Variants in ZNF644 observed in about 807,000 individuals in gnomAD.
ZNF644 encodes zinc finger motif enhancer binding protein 2.
ZNF644 carries 20 observed loss-of-function variants against 108.0 expected under a neutral mutation model. The observed-to-expected ratio is 0.19, with a 90% CI of 0.13 to 0.27. ZNF644 has a LOEUF of 0.27. Among genes scored for constraint, ZNF644 ranks in the 10% least tolerant of loss-of-function variants. The pLI is 1.00. For synonymous variants in ZNF644, 542 were observed against 539.1 expected, an observed-to-expected ratio of 1.01 and a Z score of -0.08; for missense variants, 1,338 against 1,548.9, an observed-to-expected ratio of 0.86 and a Z score of 2.29.
chr1:90,918,638 G>C (rs1172958209), intron 4 of ZNF644, among the ~76,000 whole-genome samples: 1 of 151,980 alleles, frequency 6.6e-6, no homozygotes, highest in Non-Finnish European at 1.5e-5. Flanking sequence ...GGAAAACTTC[G>C]TAAGGGAATA....
At chr1:90,988,240 C>T (rs776680515) in intron 1 of ZNF644, among the ~76,000 whole-genome samples, 1 of 152,070 alleles carries the variant, frequency 6.6e-6, no homozygotes, top group Non-Finnish European at 1.5e-5. Context: ...AACATGCAAA[C>T]ATCAATTGTA....
In ZNF644 at chr1:90,999,310, C is replaced by A. The variant is rs573112280; in HGVS notation, c.-17-16940G>T. 4.6e-5 allele frequency among the ~76,000 whole-genome samples: 7 copies of A among 152,266 alleles called. No individual in the cohort carries two copies. The South Asian group carries it at 6.2e-4, about 14-fold the overall frequency. ...CCAGACAGAAAGGTCAGGTTACCCA[C>A]AAAGGAAAGCCCAACAGACTAACAG... On this transcript the variant is annotated intron_variant, in intron 1 of 5. Coordinates refer to ENST00000337393, the MANE Select transcript of ZNF644 (RefSeq NM_201269.3).
At chr1:90,995,727 T>C (rs1373437064) in intron 1 of ZNF644, among the ~76,000 whole-genome samples, 2 of 152,226 alleles carry the variant, frequency 1.3e-5, no homozygotes, top group African/African-American at 4.8e-5. Flanking sequence ...ACATCTTCTA[T>C]ATCCAATGAT....
In ZNF644 at chr1:90,940,838, G is replaced by A; in HGVS notation, c.516C>T (p.His172=). 6.2e-7 allele frequency: 1 copy of A among 1,613,950 alleles called. No homozygotes were observed. The highest frequency in any genetic ancestry group is 2.2e-5 in the East Asian group (1 of 44,870). ...QLSTPQKASQ[H]QVLFLLSDVA... ...CATCTGATAACAAAAATAAAACTTG[G>A]TGTTGACTTGCTTTCTGTGGTGTAG... The change falls in exon 3 of 6, where the codon CAC becomes CAT. Residue 172 remains histidine (H), a synonymous_variant. Transcript: ENST00000337393.
chr1:90,968,433 G>A (rs552927913), intron 2 of ZNF644, among the ~76,000 whole-genome samples: 1 of 152,092 alleles, frequency 6.6e-6, no homozygotes, highest in Non-Finnish European at 1.5e-5. Flanking sequence ...TCGGTTTTGG[G>A]GGGGGAGCCT....
intron 2 of ZNF644, among the ~76,000 whole-genome samples, chr1:90,976,833 T>C (rs145592572): frequency 2.0e-5 from 3 of 152,278 alleles, no homozygotes; most frequent in African/African-American, 4.8e-5. Flanking sequence ...AATCCACAGA[T>C]GCTCAAATCC....
chr1:90,984,319 T>C (rs1656867966), intron 1 of ZNF644, among the ~76,000 whole-genome samples: 1 of 152,174 alleles, frequency 6.6e-6, no homozygotes, highest in Non-Finnish European at 1.5e-5. Context: ...AGGACTGTCA[T>C]AAAATACTAC....
chr1:91,017,958 T>TC (rs1298625123), intron 1 of ZNF644, among the ~76,000 whole-genome samples: 1 of 151,804 alleles, frequency 6.6e-6, no homozygotes, highest in African/African-American at 2.4e-5. Flanking sequence ...CGAGACTCCG[T>TC]CCCCCAACCA....
chr1:90,963,450 T>C (rs1001655602), intron 2 of ZNF644, among the ~76,000 whole-genome samples: 1 of 152,100 alleles, frequency 6.6e-6, no homozygotes, highest in African/African-American at 2.4e-5. Flanking sequence ...ATACATACAC[T>C]GGTCAAACCA....
chr1:90,953,656 C>T (rs1653431309), intron 2 of ZNF644, among the ~76,000 whole-genome samples: 2 of 152,160 alleles, frequency 1.3e-5, no homozygotes, highest in Non-Finnish European at 2.9e-5. Context: ...TGGCTCACAC[C>T]TGTAATCCCA....
rs1651536737 is a variant in ZNF644 at position 90,938,087 on chromosome 1, A to G, written c.3086T>C (p.Ile1029Thr). The G allele has an allele frequency of 6.2e-7, 1 of 1,610,900 alleles. No individual in the cohort carries two copies. Among genetic ancestry groups the G allele is most frequent in the Non-Finnish European group, 8.5e-7 (1 of 1,179,692 alleles). ...GTPVKRVRKA[I>T]EKSETTSEHT... ...TTCAGAAGTGGTTTCAGACTTCTCT[A>G]TAGCTAGAAAAAAATTTTTAAGAGT... The change falls in exon 4 of 6, where the codon ATA becomes ACA. Residue 1029 changes from isoleucine to threonine, a missense_variant. Ile to Thr is a moderately conservative substitution (Grantham distance 89, BLOSUM62 -1). Transcript: ENST00000337393. The surrounding 1 kb of genome is among the most constrained non-coding windows in gnomAD (Gnocchi z 4.2).
At chr1:90,935,814 C>A (rs990662302) in intron 4 of ZNF644, among the ~76,000 whole-genome samples, 1 of 152,158 alleles carries the variant, frequency 6.6e-6, no homozygotes, top group African/African-American at 2.4e-5. Context: ...TTCTGTGTTA[C>A]GCAGATTATT....
At chr1:90,991,424 C>T (rs1657623175) in intron 1 of ZNF644, among the ~76,000 whole-genome samples, 1 of 152,182 alleles carries the variant, frequency 6.6e-6, no homozygotes, top group Admixed American at 6.5e-5. Context: ...GGAGTGGAAA[C>T]TCCTAGGTAT....
At chr1:90,965,497 G>A (rs1035651923) in intron 2 of ZNF644, among the ~76,000 whole-genome samples, 1 of 151,916 alleles carries the variant, frequency 6.6e-6, no homozygotes, top group African/African-American at 2.4e-5. Flanking sequence ...AAGTAGAGGC[G>A]GACAGGATTT....
chr1:90,937,379 A>G (rs775986987), intron 4 of ZNF644, 106 bp downstream of exon 4: 3 of 1,523,940 alleles, frequency 2.0e-6, no homozygotes, highest in Non-Finnish European at 2.7e-6. Flanking sequence ...AAAGCAGCTT[A>G]AACAGGAAGA....
chr1:90,953,244 G>T (rs1183476756), intron 2 of ZNF644, among the ~76,000 whole-genome samples: 2 of 151,734 alleles, frequency 1.3e-5, no homozygotes, highest in Non-Finnish European at 2.9e-5. Context: ...AGATACTGTG[G>T]GTTCAGTTCC....
At chr1:90,973,383 A>C (rs568581579) in intron 2 of ZNF644, among the ~76,000 whole-genome samples, 4 of 152,206 alleles carry the variant, frequency 2.6e-5, no homozygotes, top group Non-Finnish European at 2.9e-5. Context: ...TGAGAGCAGT[A>C]TAACATAAGC....
In ZNF644 at chr1:91,007,221, TTTTG is replaced by T. The variant is rs1557658501; in HGVS notation, c.-18+14765_-18+14768del. ...TCTTAATTTCTTCCATTTTCTCCCA[TTTTG>T]TTTTTTTTTTTTTTTTTTTTTTTTT... is the stretch of plus-strand genomic sequence containing the variant. On this transcript the variant is annotated intron_variant, in intron 1 of 5. Transcript: ENST00000337393. Among the ~76,000 whole-genome samples the T allele has an allele frequency of 5.7e-4, 52 of 91,700 alleles. 1 individual carries two copies. Among genetic ancestry groups the T allele is most frequent in the Non-Finnish European group, 8.7e-4 (35 of 40,238 alleles). The allele number at this position is 91,700 out of a possible 152,430, so 60.2% of individuals were successfully genotyped here.
chr1:90,991,677 G>T (rs376286781), intron 1 of ZNF644, among the ~76,000 whole-genome samples: 4 of 152,104 alleles, frequency 2.6e-5, no homozygotes, highest in African/African-American at 7.2e-5. Context: ...AGAGTGAAGG[G>T]GGGGAAGTGC....
Sources: allele counts gnomAD v4.1 joint callset (sites outside exome capture counted in the v4.1 genomes callset), GRCh38; gene constraint gnomAD v4.1.1; non-coding constraint Gnocchi (gnomAD v3.1); transcripts MANE v1.5; gene names NCBI Gene and HGNC (gene_info 2026-07-23, HGNC 2026-07-21).